The following GRIN1 variants were observed in gnomAD, a reference collection of about 807,000 sequenced individuals.
GRIN1 encodes the protein glutamate receptor ionotropic, NMDA 1.
A neutral mutation model predicts 103.0 loss-of-function variants in GRIN1; 38 were observed. The observed-to-expected ratio is 0.37, with a 90% CI of 0.28 to 0.48. The LOEUF (loss-of-function observed/expected upper bound fraction) is 0.48, where lower values mean the gene tolerates loss of function less well. GRIN1 is among the 20% of genes least tolerant of loss of function. GRIN1 has a pLI of 0.98. For synonymous variants in GRIN1, 544 were observed against 532.7 expected (o/e 1.02, Z -0.29); for missense variants, 577 against 1,288.9 (o/e 0.45, Z 8.46).
rs1358208671 is a variant in GRIN1, at chr9:137,146,987, T to G, written c.570+1085T>G. 1.3e-5 allele frequency among the ~76,000 whole-genome samples: 1 copy of G among 77,390 alleles called. No homozygotes were observed. The allele number at this position is 77,390 out of a possible 152,430, so 50.8% of individuals were successfully genotyped here. ...GCACCAAGGGCCCCACCCAAGACAG[T>G]GCCCCTCACCCCAGTGCCCGACAGG... On this transcript the variant is annotated intron_variant, in intron 3 of 19. Transcript: ENST00000371561. The surrounding 1 kb of genome is among the most constrained non-coding windows in gnomAD (Gnocchi z 6.7).
At chr9:137,158,592 C>CA in intron 7 of GRIN1, 29 bp from the exon 8 acceptor site, 1 of 1,609,092 alleles carries the variant, frequency 6.2e-7, no homozygotes, top group South Asian at 1.1e-5. Context: ...CCTGCGTGGC[C>CA]ACCCTCCATC....
chr9:137,160,543 C>T (rs1490398437), intron 8 of GRIN1, among the ~76,000 whole-genome samples: 1 of 152,190 alleles, frequency 6.6e-6, no homozygotes, highest in Non-Finnish European at 1.5e-5. Flanking sequence ...CATTCTCCTG[C>T]CTCAGCCTCC....
chr9:137,163,480 CGCCCCGG>C, intron 16 of GRIN1, 72 bp from the exon 17 acceptor site: 9 of 1,332,964 alleles, frequency 6.8e-6, no homozygotes, highest in Non-Finnish European at 8.6e-6. Flanking sequence ...CCGCAGGCCC[CGCCCCGG>C]CCCCGCCCCC....
rs1234205970 is a variant in GRIN1 at position 137,164,603 on chromosome 9, T to G, written c.2590-583T>G. On this transcript the variant is annotated intron_variant, in intron 18 of 19. Transcript: ENST00000371561. ...CTGGGGGATGGGGGTTGCTGGAGGC[T>G]CCACACCTCTCATCCGCCCGCTCTT... The G allele has an allele frequency of 5.1e-5, 9 of 175,492 alleles. No homozygotes were observed. In the East Asian group the frequency reaches 1.3e-3, roughly 25 times the overall value. The allele number at this position is 175,492 out of a possible 1,614,324, so 10.9% of individuals were successfully genotyped here. A position where few individuals can be genotyped will look rare whatever the true frequency, so the allele number is the denominator to read the frequency against.
In GRIN1 at chr9:137,167,966, G is replaced by T. The variant is rs1833967504; in HGVS notation, c.*439G>T. ...ACTGCCCACCCTGGGCCTCCCGTCC[G>T]TCCGCCCGCCCACCCCGCTGCCTGG... On this transcript the variant is annotated 3_prime_UTR_variant, in exon 20 of 20. Transcript: ENST00000371561. The T allele has an allele frequency of 4.6e-6, 4 of 861,346 alleles. No individual in the cohort carries two copies. Among genetic ancestry groups the T allele is most frequent in the Non-Finnish European group, 7.5e-6 (4 of 534,500 alleles). 53.4% of individuals were successfully genotyped at this position (861,346 alleles called of 1,614,324 possible).
intron 4 of GRIN1, among the ~76,000 whole-genome samples, chr9:137,152,857 T>C (rs1309153659): frequency 1.3e-5 from 2 of 151,774 alleles, no homozygotes; most frequent in Non-Finnish European, 2.9e-5. Context: ...CATGCATACA[T>C]CTCTACCCAC....
chr9:137,155,234 G>C lies in GRIN1; in HGVS notation c.672-1435G>C, dbSNP rs143721720. On this transcript the variant is annotated intron_variant, in intron 4 of 19. Coordinates refer to ENST00000371561, the MANE Select transcript of GRIN1 (RefSeq NM_007327.4). ...TGAATTGCGTCAAGAAGACGGGCTT[G>C]TCTGTCAGGCCCTGGTGGGCACTTT... Among the ~76,000 whole-genome samples, 284 of 152,322 alleles carry C rather than the reference G, an allele frequency of 1.9e-3. 2 individuals are homozygous for C. Among genetic ancestry groups the C allele is most frequent in the African/African-American group, 6.3e-3 (261 of 41,564 alleles).
chr9:137,148,996 G>A lies in GRIN1; in HGVS notation c.571-13G>A. The A allele has an allele frequency of 1.3e-6, 2 of 1,596,062 alleles. No individual in the cohort carries two copies. Among genetic ancestry groups the A allele is most frequent in the East Asian group, 2.2e-5 (1 of 44,574 alleles). On this transcript the variant is annotated splice_polypyrimidine_tract_variant and intron_variant, in intron 3 of 19. Transcript: ENST00000371561. ...GCCCCAGCCGCCTGCTAACACTCTT[G>A]CTCACACCGCAGGCAGAGAAGGTGC...
In GRIN1 at chr9:137,156,931, G is replaced by A; in HGVS notation, c.862G>A (p.Val288Met). The A allele has an allele frequency of 2.5e-6, 4 of 1,612,204 alleles. No individual in the cohort carries two copies. Among genetic ancestry groups the A allele is most frequent in the Non-Finnish European group, 3.4e-6 (4 of 1,179,804 alleles). ...CCACATCAGCGACGCCGTGGGCGTG[G>A]TGGCCCAGGCCGTGCACGAGCTCCT... is the stretch of plus-strand genomic sequence containing the variant. ...SAHISDAVGV[V>M]AQAVHELLEK... The change falls in exon 6 of 20, where the codon GTG (valine) becomes ATG (methionine). Residue 288 changes from valine (V) to methionine (M), a missense_variant. Coordinates refer to ENST00000371561, the MANE Select transcript of GRIN1 (RefSeq NM_007327.4).
intron 2 of GRIN1, among the ~76,000 whole-genome samples, chr9:137,143,712 CAGGTGGAT>C (rs1193998048): frequency 6.6e-6 from 1 of 152,216 alleles, no homozygotes; most frequent in African/African-American, 2.4e-5. Flanking sequence ...ACCACGTCAC[CAGGTGGAT>C]AGACAGAAGC....
chr9:137,149,118 G>C lies in GRIN1; in HGVS notation c.671+9G>C, dbSNP rs1189132487. The C allele has an allele frequency of 6.4e-7, 1 of 1,573,372 alleles. No homozygotes were observed. Among genetic ancestry groups the C allele is most frequent in the Non-Finnish European group, 8.7e-7 (1 of 1,149,174 alleles). On this transcript the variant is annotated intron_variant, in intron 4 of 19. Coordinates refer to ENST00000371561, the MANE Select transcript of GRIN1 (RefSeq NM_007327.4). ...ATCATCCTTTCTGCCAGGTGAGGCT[G>C]GGCAGGGCCCTACACACTCCACACA...
chr9:137,139,344 T>C lies in GRIN1; in HGVS notation c.-143T>C. 4 of 396,586 alleles carry C rather than the reference T, an allele frequency of 1.0e-5. No homozygotes were observed. The highest frequency in any genetic ancestry group is 1.6e-5 in the Non-Finnish European group (4 of 253,370). 24.6% of individuals were successfully genotyped at this position (396,586 alleles called of 1,614,324 possible). A position where few individuals can be genotyped will look rare whatever the true frequency, so the allele number is the denominator to read the frequency against. ...TCAGCGCCCCTTCCCTCGGCCGACG[T>C]CCCGGGACCGCCGCTCCGGGGGAGA... On this transcript the variant is annotated 5_prime_UTR_variant, in exon 1 of 20. Coordinates refer to ENST00000371561, the MANE Select transcript of GRIN1 (RefSeq NM_007327.4). The surrounding 1 kb of genome is among the most constrained non-coding windows in gnomAD (Gnocchi z 7.7).
chr9:137,161,461 C>A lies in GRIN1; in HGVS notation c.1467+45C>A, dbSNP rs199960125. ...TGGGGACCAGCGTGAGAGGGGCCTG[C>A]AGGCGCGGTCGGAGTGGGTGGGGCA... is the stretch of plus-strand genomic sequence containing the variant. On this transcript the variant is annotated intron_variant, in intron 10 of 19. Transcript: ENST00000371561. The A allele has an allele frequency of 2.5e-6, 4 of 1,574,320 alleles. No homozygotes were observed. In the African/African-American group the frequency reaches 4.2e-5, roughly 16 times the overall value.
At chr9:137,165,396 G>A (rs1289791570) in intron 19 of GRIN1, 100 bp downstream of exon 19, 4 of 791,738 alleles carry the variant, frequency 5.1e-6, no homozygotes, top group Non-Finnish European at 6.7e-6. Context: ...GGGCTCCTGT[G>A]GCCCACTCTG....
Position 137,167,862 on chromosome 9 carries a change from C to T in GRIN1, c.*335C>T. Reference sequence around the variant, plus strand: ...GTGTGAGGCCCCCGGAGGCGCCCACCTGCCCAGTTAGCCCGGCCAAGGACA... The same window carrying T: ...GTGTGAGGCCCCCGGAGGCGCCCACTTGCCCAGTTAGCCCGGCCAAGGACA... On this transcript the variant is annotated 3_prime_UTR_variant, in exon 20 of 20. Transcript: ENST00000371561. 6.2e-7 allele frequency: 1 copy of T among 1,608,240 alleles called. No homozygotes were observed.
rs1417831898 is a variant in GRIN1, at chr9:137,161,991, T to C, written c.1535T>C (p.Met512Thr). ...GAGCTGCTCAGCGGGCAGGCAGACA[T>C]GATCGTGGCGCCGCTAACCATAAAC... ...MGELLSGQADMIVAPLTINNE... is the reference protein window; with the variant it reads ...MGELLSGQADTIVAPLTINNE... The change falls in exon 11 of 20, where the codon ATG (methionine) becomes ACG (threonine). Residue 512 changes from methionine (M) to threonine (T), a missense_variant. Transcript: ENST00000371561. 6.4e-7 allele frequency: 1 copy of C among 1,560,910 alleles called. No homozygotes were observed. The highest frequency in any genetic ancestry group is 8.7e-7 in the Non-Finnish European group (1 of 1,152,670).
intron 4 of GRIN1, among the ~76,000 whole-genome samples, chr9:137,152,937 T>G (rs199804098): frequency 6.6e-6 from 1 of 151,564 alleles, no homozygotes; most frequent in Non-Finnish European, 1.5e-5. Flanking sequence ...ACACACCACA[T>G]GTACCATGCA....
At position 137,168,142 on chromosome 9, in the gene GRIN1, G is replaced by A. The variant is rs1482845970; in HGVS notation, c.*615G>A. 13 of 511,950 alleles carry A rather than the reference G, an allele frequency of 2.5e-5. No homozygotes were observed. Among genetic ancestry groups the A allele is most frequent in the Non-Finnish European group, 3.9e-5 (11 of 285,594 alleles). 31.7% of individuals were successfully genotyped at this position (511,950 alleles called of 1,614,324 possible). A position where few individuals can be genotyped will look rare whatever the true frequency, so the allele number is the denominator to read the frequency against. On this transcript the variant is annotated 3_prime_UTR_variant, in exon 20 of 20. Transcript: ENST00000371561. ...GAGCGGGGGCTAACTGGCCCCAGGC[G>A]GAGGGGCTTGGAGCAGAGACGGCAG... is the stretch of plus-strand genomic sequence containing the variant.
chr9:137,152,704 C>T (rs1347614011), intron 4 of GRIN1, among the ~76,000 whole-genome samples: 1 of 152,124 alleles, frequency 6.6e-6, no homozygotes, highest in African/African-American at 2.4e-5. Context: ...AAAGGCCAGC[C>T]CAGGGGAAGG....
Sources: gnomAD v4.1 joint callset for allele counts (sites outside exome capture counted in the v4.1 genomes callset) on GRCh38, gnomAD v4.1.1 for gene constraint, Gnocchi (gnomAD v3.1) non-coding constraint, MANE v1.5 for transcripts, NCBI Gene and HGNC (gene_info 2026-07-23, HGNC 2026-07-21) for gene names.